The following CFAP97D2 variants were observed in gnomAD, a reference collection of about 807,000 sequenced individuals.
The protein encoded by CFAP97D2 is CFAP97 domain containing 2.
At chr13:114,184,161 G>A (rs2080846879) in intron 1 of CFAP97D2, among the ~76,000 whole-genome samples, 2 of 152,158 alleles carry the variant, frequency 1.3e-5, no homozygotes, top group South Asian at 4.1e-4. Context: ...AGAAAAACCA[G>A]CCGAACAGCC....
intron 2 of CFAP97D2, among the ~76,000 whole-genome samples, chr13:114,198,893 G>A (rs2080902029): frequency 3.4e-5 from 2 of 58,726 alleles, no homozygotes; most frequent in Admixed American, 3.1e-4. Context: ...CCGTGTGTAC[G>A]GTCCCCACCG....
chr13:114,188,089 G>T (rs892016783), intron 1 of CFAP97D2, among the ~76,000 whole-genome samples: 13 of 151,674 alleles, frequency 8.6e-5, no homozygotes, highest in African/African-American at 3.2e-4. Flanking sequence ...GACCAGCCTG[G>T]GCAACATAGC....
rs2138752473 is a variant in CFAP97D2 at position 114,187,356 on chromosome 13, A to G, written c.90+7936A>G. ...ATCACTTTGTAAGAGTAGATTAAAA[A>G]AAAAAGGCCCAACTATATGTTGTCC... On this transcript the variant is annotated intron_variant, in intron 1 of 4. Coordinates refer to ENST00000646158, the Ensembl canonical transcript of CFAP97D2. The surrounding 1 kb of genome is among the most constrained non-coding windows in gnomAD (Gnocchi z 4.2). Among the ~76,000 whole-genome samples the G allele has an allele frequency of 6.6e-6, 1 of 152,326 alleles. No individual in the cohort carries two copies.
intron 1 of CFAP97D2, among the ~76,000 whole-genome samples, chr13:114,190,889 A>G (rs978076218): frequency 2.0e-5 from 3 of 152,246 alleles, no homozygotes; most frequent in Admixed American, 6.5e-5. Context: ...ATTAAAAGCT[A>G]TGATCATCAA....
intron 3 of CFAP97D2, among the ~76,000 whole-genome samples, chr13:114,201,888 A>G (rs926945662): frequency 6.6e-6 from 1 of 152,188 alleles, no homozygotes; most frequent in Non-Finnish European, 1.5e-5. Context: ...CTTTATTCAG[A>G]TGTGATTGGC....
chr13:114,214,817 A>G (rs2080986363), intron 4 of CFAP97D2, among the ~76,000 whole-genome samples: 1 of 152,156 alleles, frequency 6.6e-6, no homozygotes, highest in Non-Finnish European at 1.5e-5. Flanking sequence ...TGCTCATTTC[A>G]CTCAATAATG....
intron 1 of CFAP97D2, among the ~76,000 whole-genome samples, chr13:114,188,594 G>A (rs1440126420): frequency 3.3e-5 from 5 of 151,872 alleles, no homozygotes; most frequent in East Asian, 1.9e-4. Flanking sequence ...TGGCTAACAC[G>A]GTGAAACCCC....
chr13:114,215,743 A>G (rs1419119329), intron 4 of CFAP97D2: 2 of 152,198 alleles, frequency 1.3e-5, no homozygotes, highest in Non-Finnish European at 2.9e-5. Context: ...ACCAACATGA[A>G]GGGTTACCCG....
At chr13:114,184,992 A>T (rs1184172037) in intron 1 of CFAP97D2, among the ~76,000 whole-genome samples, 5 of 152,214 alleles carry the variant, frequency 3.3e-5, no homozygotes, top group Admixed American at 3.3e-4. Context: ...AGCCACTGTC[A>T]TCATGTCAGT....
At chr13:114,200,425 A>C (rs2080912187) in exon 3 of CFAP97D2, 1 of 398,674 alleles carries the variant, frequency 2.5e-6, no homozygotes, top group Non-Finnish European at 4.4e-6. Flanking sequence ...GACAGCAAAA[A>C]CAACTCCAAG....
At chr13:114,200,217 G>A in intron 2 of CFAP97D2, 108 bp from the exon 3 acceptor site, 2 of 389,534 alleles carry the variant, frequency 5.1e-6, no homozygotes, top group Non-Finnish European at 9.0e-6. Flanking sequence ...TCGCCGATAT[G>A]AGACGAGGCA....
At chr13:114,219,270 G>A (rs1230417314) in intron 4 of CFAP97D2, among the ~76,000 whole-genome samples, 1 of 152,102 alleles carries the variant, frequency 6.6e-6, no homozygotes, top group Non-Finnish European at 1.5e-5. Flanking sequence ...TAGTCCCAGA[G>A]GCTTTCCCCG....
At position 114,211,530 on chromosome 13, in the gene CFAP97D2, G is replaced by A. The variant is rs1460874580; in HGVS notation, c.291-382G>A. ...CTCCCCGCCTGGGACCCTGCTCTCC[G>A]CCATGGGTGCCCGGGTGCTCGCCCT... On this transcript the variant is annotated intron_variant, in intron 3 of 4. Transcript: ENST00000646158. The surrounding 1 kb of genome is among the most constrained non-coding windows in gnomAD (Gnocchi z 4.2). Among the ~76,000 whole-genome samples the A allele has an allele frequency of 2.0e-5, 3 of 151,582 alleles. No homozygotes were observed. Among genetic ancestry groups the A allele is most frequent in the South Asian group, 2.1e-4 (1 of 4,794 alleles).
intron 1 of CFAP97D2, among the ~76,000 whole-genome samples, chr13:114,184,771 T>G (rs1195694818): frequency 1.3e-5 from 2 of 152,114 alleles, no homozygotes; most frequent in Admixed American, 6.5e-5. Flanking sequence ...CAGTAACAGA[T>G]CCACATAAAG....
chr13:114,200,874 C>T (rs771829138), intron 3 of CFAP97D2, among the ~76,000 whole-genome samples: 7 of 152,236 alleles, frequency 4.6e-5, no homozygotes, highest in Non-Finnish European at 8.8e-5. Context: ...CAGCCCTGCT[C>T]ATGCAGTTCT....
intron 2 of CFAP97D2, among the ~76,000 whole-genome samples, chr13:114,198,054 C>T (rs1020129721): frequency 1.3e-5 from 2 of 152,078 alleles, no homozygotes; most frequent in African/African-American, 4.8e-5. Context: ...GTGGCACGAT[C>T]TCGGCTCACT....
At chr13:114,208,207 T>TGAGTTAA (rs1438940394) in intron 3 of CFAP97D2, among the ~76,000 whole-genome samples, 1 of 152,234 alleles carries the variant, frequency 6.6e-6, no homozygotes, top group Non-Finnish European at 1.5e-5. Context: ...GAGAATGAAA[T>TGAGTTAA]GAGTTAATAC....
chr13:114,212,051 G>C (rs753998119), exon 4 of CFAP97D2: 83 of 398,662 alleles, frequency 2.1e-4, no homozygotes, highest in Non-Finnish European at 2.7e-4. Flanking sequence ...GAGAAGTCCC[G>C]GGTGCTGGTG....
chr13:114,204,690 C>T (rs2080931901), intron 3 of CFAP97D2, among the ~76,000 whole-genome samples: 1 of 152,090 alleles, frequency 6.6e-6, no homozygotes, highest in Non-Finnish European at 1.5e-5. Context: ...AAAAACGGAT[C>T]AAAGGCCTAA....
Sources: allele counts gnomAD v4.1 joint callset (sites outside exome capture counted in the v4.1 genomes callset), GRCh38; gene constraint gnomAD v4.1.1; non-coding constraint Gnocchi (gnomAD v3.1); transcripts MANE v1.5; gene names NCBI Gene and HGNC (gene_info 2026-07-23, HGNC 2026-07-21).